MATN2: variants seen among roughly 807,000 people sequenced by gnomAD.
The protein encoded by MATN2 is matrilin 2.
A neutral mutation model predicts 103.2 loss-of-function variants in MATN2; 69 were observed. The observed-to-expected ratio is 0.67, with a 90% confidence interval of 0.55 to 0.82. The LOEUF is 0.82. Among genes scored for constraint, MATN2 ranks in the 40% least tolerant of loss-of-function variants. MATN2 has a pLI of 0.00. For missense variants in MATN2, 1,023 were observed against 1,211.5 expected (o/e 0.84, Z 2.31); for synonymous variants, 429 against 450.2 (o/e 0.95, Z 0.60).
intron 1 of MATN2, among the ~76,000 whole-genome samples, chr8:97,874,862 C>T (rs567856967): frequency 1.0e-3 from 152 of 151,958 alleles, no homozygotes; most frequent in African/African-American, 3.4e-3. Flanking sequence ...GGATTACAGG[C>T]GCGAGCCACC....
intron 13 of MATN2, among the ~76,000 whole-genome samples, chr8:98,024,149 A>G (rs1016680112): frequency 2.0e-5 from 3 of 152,210 alleles, no homozygotes; most frequent in Admixed American, 2.0e-4. Flanking sequence ...ACATTTGCCT[A>G]TGTAACAAAC....
chr8:97,935,027 T>TC, intron 3 of MATN2, among the ~76,000 whole-genome samples: 1 of 152,322 alleles, frequency 6.6e-6, no homozygotes, highest in Admixed American at 6.5e-5. Flanking sequence ...TGCTAGGTAC[T>TC]TTCAAATACA....
intron 4 of MATN2, among the ~76,000 whole-genome samples, chr8:97,960,842 A>G (rs1811289142): frequency 6.6e-6 from 1 of 152,094 alleles, no homozygotes; most frequent in Non-Finnish European, 1.5e-5. Context: ...TGAGACAGAG[A>G]CTCGCTCTGT....
chr8:97,959,063 C>G lies in MATN2; in HGVS notation c.836-2345C>G, dbSNP rs556969214. ...AGACTTGCAGTAATCTGTCCCAATT[C>G]TGAACTCCCATAGTTTTCTTGGCAC... is the stretch of plus-strand genomic sequence containing the variant. On this transcript the variant is annotated intron_variant, in intron 4 of 18. Coordinates refer to ENST00000254898, the MANE Select transcript of MATN2 (RefSeq NM_002380.5). Among the ~76,000 whole-genome samples, 163 of 152,318 alleles carry G rather than the reference C, an allele frequency of 1.1e-3. 4 individuals are homozygous for G. The South Asian group carries it at 0.018, about 17-fold the overall frequency.
chr8:98,011,504 G>A (rs929104815), intron 10 of MATN2, among the ~76,000 whole-genome samples: 4 of 152,184 alleles, frequency 2.6e-5, no homozygotes, highest in Admixed American at 6.5e-5. Flanking sequence ...GACCAGAGCC[G>A]AGTCCCCTGA....
chr8:97,963,462 CTG>C (rs1488683089), intron 5 of MATN2, among the ~76,000 whole-genome samples: 1 of 152,204 alleles, frequency 6.6e-6, no homozygotes, highest in Non-Finnish European at 1.5e-5. Flanking sequence ...ACCCATTTCT[CTG>C]AGTGTTTCCA....
intron 5 of MATN2, among the ~76,000 whole-genome samples, chr8:97,963,635 G>A (rs888118897): frequency 6.6e-6 from 1 of 152,236 alleles, no homozygotes; most frequent in Middle Eastern, 3.4e-3. Context: ...GGAGATGGGC[G>A]TTTCTCTGCG....
rs758617448 is a variant in MATN2 at position 97,979,024 on chromosome 8, A to G, written c.1081+16A>G. On this transcript the variant is annotated intron_variant, in intron 6 of 18. Transcript: ENST00000254898. ...ACGTGCACAAGTAAGTTACACACAC[A>G]TGCACACACAGAGAAATATTTGCTG... 5 of 1,597,422 alleles carry G rather than the reference A, an allele frequency of 3.1e-6. No individual in the cohort carries two copies. In the Admixed American group the frequency reaches 8.7e-5, roughly 28 times the overall value.
At chr8:97,936,957 G>A (rs1349318770) in intron 3 of MATN2, among the ~76,000 whole-genome samples, 4 of 152,134 alleles carry the variant, frequency 2.6e-5, no homozygotes, top group African/African-American at 9.7e-5. Context: ...CTAAAAGGAG[G>A]GGGGAGTGCA....
At position 97,982,419 on chromosome 8, in the gene MATN2, T is replaced by C. The variant is rs1209898894; in HGVS notation, c.1081+3411T>C. On this transcript the variant is annotated intron_variant, in intron 6 of 18. Transcript: ENST00000254898. The surrounding 1 kb of genome is among the most constrained non-coding windows in gnomAD (Gnocchi z 4.3). ...AGTCGGCCTGGTTACTGCTGTGATG[T>C]TGAAAGATTTTTTTTTAAAATTCTA... 2.6e-5 allele frequency among the ~76,000 whole-genome samples: 4 copies of C among 152,194 alleles called. No homozygotes were observed. The highest frequency in any genetic ancestry group is 9.7e-5 in the African/African-American group (4 of 41,438).
At chr8:97,912,497 T>A (rs1037969424) in intron 2 of MATN2, among the ~76,000 whole-genome samples, 3 of 152,198 alleles carry the variant, frequency 2.0e-5, no homozygotes, top group African/African-American at 7.2e-5. Context: ...TGTCCCAGTG[T>A]GTTTAGGGAG....
intron 4 of MATN2, among the ~76,000 whole-genome samples, chr8:97,952,916 A>ATTTTTTTTTTT (rs71570276): frequency 1.0e-5 from 1 of 96,138 alleles, no homozygotes; most frequent in Non-Finnish European, 2.0e-5. Flanking sequence ...GTTTGTAGGG[A>ATTTTTTTTTTT]TTTTTTTTTT....
At chr8:97,922,423 G>C (rs1274316497) in intron 2 of MATN2, among the ~76,000 whole-genome samples, 1 of 152,182 alleles carries the variant, frequency 6.6e-6, no homozygotes, top group African/African-American at 2.4e-5. Context: ...GAAAAAGAAT[G>C]TTAGCCTTTA....
At chr8:97,988,617 C>T (rs1339689201) in intron 6 of MATN2, among the ~76,000 whole-genome samples, 1 of 152,090 alleles carries the variant, frequency 6.6e-6, no homozygotes, top group Admixed American at 6.6e-5. Context: ...CAGAGTGAGA[C>T]TCTCTCCCCA....
intron 2 of MATN2, among the ~76,000 whole-genome samples, chr8:97,895,392 C>G (rs1309588611): frequency 3.3e-5 from 5 of 152,230 alleles, no homozygotes; most frequent in Non-Finnish European, 7.3e-5. Context: ...CTTCCCTGAG[C>G]TTTCCAGAGC....
chr8:98,022,357 G>GCACA (rs34090534), intron 13 of MATN2, among the ~76,000 whole-genome samples: 76 of 150,620 alleles, frequency 5.0e-4, no homozygotes, highest in Non-Finnish European at 9.8e-4. Context: ...ATACCCTTAT[G>GCACA]CACACACACA....
chr8:97,914,519 C>T (rs999580271), intron 2 of MATN2, among the ~76,000 whole-genome samples: 2 of 151,580 alleles, frequency 1.3e-5, no homozygotes, highest in Non-Finnish European at 2.9e-5. Context: ...TACAGGCCTG[C>T]ACCATTACAC....
chr8:97,969,749 C>A (rs992842293), intron 5 of MATN2, among the ~76,000 whole-genome samples: 2 of 152,150 alleles, frequency 1.3e-5, no homozygotes, highest in Non-Finnish European at 2.9e-5. Flanking sequence ...ACAGATTCAC[C>A]GCTGCAAACA....
At position 97,957,556 on chromosome 8, in the gene MATN2, C is replaced by T. The variant is rs540825413; in HGVS notation, c.836-3852C>T. On this transcript the variant is annotated intron_variant, in intron 4 of 18. Transcript: ENST00000254898. The stretch of plus-strand genomic sequence containing the variant: ...AATCCGCATGAAGCCAACTGGCAAG[C>T]TTGCTGTTTGTGGGACAGTTCTGGG... 2.6e-5 allele frequency among the ~76,000 whole-genome samples: 4 copies of T among 152,338 alleles called. No homozygotes were observed. The South Asian group carries it at 8.3e-4, about 32-fold the overall frequency.
Sources: allele counts gnomAD v4.1 joint callset (sites outside exome capture counted in the v4.1 genomes callset), GRCh38; gene constraint gnomAD v4.1.1; non-coding constraint Gnocchi (gnomAD v3.1); transcripts MANE v1.5; gene names NCBI Gene and HGNC (gene_info 2026-07-23, HGNC 2026-07-21).